RNF11: variants seen among roughly 807,000 people sequenced by gnomAD.
RNF11 encodes ring finger protein 11.
A neutral mutation model predicts 15.8 loss-of-function variants in RNF11; 4 were observed. That is an observed-to-expected ratio of 0.25 (90% CI 0.12 to 0.58). The LOEUF (loss-of-function observed/expected upper bound fraction) is 0.58, where lower values mean the gene tolerates loss of function less well. Ranked by LOEUF, RNF11 falls within the 20% of genes least tolerant of loss-of-function variation. RNF11 has a pLI of 0.91. For missense variants in RNF11, 139 were observed against 194.4 expected (o/e 0.71, Z 1.70); for synonymous variants, 68 against 72.3 (o/e 0.94, Z 0.30).
Position 51,253,473 on chromosome 1 carries a change from T to C in RNF11, c.124-16483T>C, listed in dbSNP as rs72896490. On this transcript the variant is annotated intron_variant, in intron 1 of 2. Coordinates refer to ENST00000242719, the MANE Select transcript of RNF11 (RefSeq NM_014372.5). ...AGGAGCTCGAGGTAACAGTGAGATATGATCACACCACTACACTCCAGCCTG... is the reference window on the plus strand; with the variant it reads ...AGGAGCTCGAGGTAACAGTGAGATACGATCACACCACTACACTCCAGCCTG... Among the ~76,000 whole-genome samples the C allele has an allele frequency of 3.4e-3, 500 of 146,902 alleles. 1 individual carries two copies. Among genetic ancestry groups the C allele is most frequent in the African/African-American group, 0.012 (481 of 39,620 alleles).
At chr1:51,267,601 C>T (rs1646960824) in intron 1 of RNF11, among the ~76,000 whole-genome samples, 1 of 152,156 alleles carries the variant, frequency 6.6e-6, no homozygotes, top group Non-Finnish European at 1.5e-5. Flanking sequence ...GACTCAGTGC[C>T]CCAGGTACTG....
At chr1:51,240,436 C>T (rs1646823393) in intron 1 of RNF11, among the ~76,000 whole-genome samples, 2 of 152,024 alleles carry the variant, frequency 1.3e-5, no homozygotes, top group Admixed American at 6.5e-5. Flanking sequence ...GGAAGTCCCT[C>T]TCACCCTGTT....
intron 1 of RNF11, among the ~76,000 whole-genome samples, chr1:51,257,808 G>C (rs1173323501): frequency 2.1e-5 from 3 of 146,038 alleles, no homozygotes; most frequent in Middle Eastern, 3.6e-3. Flanking sequence ...ATCTCATTGT[G>C]GTTTTTGATT....
At chr1:51,269,844 C>G in intron 1 of RNF11, 112 bp from the exon 2 acceptor site, 1 of 834,128 alleles carries the variant, frequency 1.2e-6, no homozygotes, top group Non-Finnish European at 1.9e-6. Flanking sequence ...AAACACTAGC[C>G]CAGCTTCCTA....
chr1:51,241,269 A>T (rs952171933), intron 1 of RNF11, among the ~76,000 whole-genome samples: 5 of 151,994 alleles, frequency 3.3e-5, no homozygotes, highest in African/African-American at 1.2e-4. Flanking sequence ...TTTAAAAAAA[A>T]TTTATTTCCT....
chr1:51,251,429 A>C, intron 1 of RNF11: 2 of 1,073,642 alleles, frequency 1.9e-6, no homozygotes, highest in Non-Finnish European at 2.7e-6. Flanking sequence ...TCCCCATCCC[A>C]GGGCCTCCGG....
At chr1:51,266,168 T>C (rs888148562) in intron 1 of RNF11, 26 of 152,224 alleles carry the variant, frequency 1.7e-4, no homozygotes, top group African/African-American at 6.3e-4. Context: ...CCATTATGTA[T>C]TTTTGTTCAT....
At chr1:51,248,603 CAT>C (rs1646863518) in intron 1 of RNF11, among the ~76,000 whole-genome samples, 1 of 152,094 alleles carries the variant, frequency 6.6e-6, no homozygotes, top group Non-Finnish European at 1.5e-5. Flanking sequence ...AGGGATAAGA[CAT>C]GAAGCAATTA....
Position 51,251,199 on chromosome 1 carries a change from A to G in RNF11, c.123+14320A>G, listed in dbSNP as rs112793650. On this transcript the variant is annotated intron_variant, in intron 1 of 2. Coordinates refer to ENST00000242719, the MANE Select transcript of RNF11 (RefSeq NM_014372.5). Reference sequence around the variant, plus strand: ...GAGAGAGGCCCCCAGGAAAAAGTCAATGATCTCTGATTCCTTAATGGGCAG... The same window carrying G: ...GAGAGAGGCCCCCAGGAAAAAGTCAGTGATCTCTGATTCCTTAATGGGCAG... 4,635 of 1,417,660 alleles carry G rather than the reference A, an allele frequency of 3.3e-3. 120 individuals carry two copies. The African/African-American group carries it at 0.059, about 18-fold the overall frequency. The allele number at this position is 1,417,660 out of a possible 1,614,324, so 87.8% of individuals were successfully genotyped here. A position where few individuals can be genotyped will look rare whatever the true frequency, so the allele number is the denominator to read the frequency against.
intron 1 of RNF11, among the ~76,000 whole-genome samples, chr1:51,263,371 G>C (rs1646939538): frequency 6.6e-6 from 1 of 152,166 alleles, no homozygotes; most frequent in Non-Finnish European, 1.5e-5. Context: ...AACATGCTAA[G>C]TGAAAGTCGA....
chr1:51,238,439 T>C (rs1214498639), intron 1 of RNF11, among the ~76,000 whole-genome samples: 1 of 152,222 alleles, frequency 6.6e-6, no homozygotes, highest in Non-Finnish European at 1.5e-5. Flanking sequence ...AGGGACTCAG[T>C]AACTGGGAGA....
intron 1 of RNF11, among the ~76,000 whole-genome samples, chr1:51,241,340 A>C (rs962973739): frequency 6.6e-6 from 1 of 152,120 alleles, no homozygotes; most frequent in South Asian, 2.1e-4. Context: ...CACAGGTGCA[A>C]TTATAGTGCA....
At position 51,261,687 on chromosome 1, in the gene RNF11, AT is replaced by A. The variant is rs772161201; in HGVS notation, c.124-8254del. Among the ~76,000 whole-genome samples, 409 of 127,156 alleles carry A rather than the reference AT, an allele frequency of 3.2e-3. 1 individual carries two copies. The highest frequency in any genetic ancestry group is 6.5e-3 in the South Asian group (26 of 4,022). 83.4% of individuals were successfully genotyped at this position (127,156 alleles called of 152,430 possible). ...CCCACCACGCCCTGTCTGTGATAAG[AT>A]TTTTTTTTTTTTTTCTTGAGACGGA... On this transcript the variant is annotated intron_variant, in intron 1 of 2. Coordinates refer to ENST00000242719, the MANE Select transcript of RNF11 (RefSeq NM_014372.5).
At chr1:51,261,780 C>T (rs536657693) in intron 1 of RNF11, among the ~76,000 whole-genome samples, 8 of 152,148 alleles carry the variant, frequency 5.3e-5, no homozygotes, top group African/African-American at 1.7e-4. Context: ...CTCGTCCTCC[C>T]GGGTTCACAC....
chr1:51,256,330 C>T (rs550362749), intron 1 of RNF11, among the ~76,000 whole-genome samples: 3 of 152,174 alleles, frequency 2.0e-5, no homozygotes, highest in Non-Finnish European at 4.4e-5. Context: ...GTAGCCTTTT[C>T]AGATTGGCTT....
chr1:51,255,847 G>C (rs923329014), intron 1 of RNF11, among the ~76,000 whole-genome samples: 2 of 152,158 alleles, frequency 1.3e-5, no homozygotes, highest in Non-Finnish European at 2.9e-5. Context: ...CCTTAGGCTA[G>C]TACTGTACTG....
chr1:51,242,962 T>C (rs1317219975), intron 1 of RNF11, among the ~76,000 whole-genome samples: 1 of 152,226 alleles, frequency 6.6e-6, no homozygotes, highest in Non-Finnish European at 1.5e-5. Context: ...CCTCCCCTTC[T>C]TTATGCTCAA....
At chr1:51,259,279 C>A (rs1280266297) in intron 1 of RNF11, among the ~76,000 whole-genome samples, 3 of 152,104 alleles carry the variant, frequency 2.0e-5, no homozygotes, top group Non-Finnish European at 4.4e-5. Flanking sequence ...GTCAGTATTG[C>A]CCAGGTTGAG....
chr1:51,267,920 G>A (rs1310338689), intron 1 of RNF11, among the ~76,000 whole-genome samples: 1 of 152,132 alleles, frequency 6.6e-6, no homozygotes, highest in Non-Finnish European at 1.5e-5. Context: ...TAGTAGAGAT[G>A]GTGTTTTACC....
Sources: allele counts gnomAD v4.1 joint callset (sites outside exome capture counted in the v4.1 genomes callset), GRCh38; gene constraint gnomAD v4.1.1; transcripts MANE v1.5; gene names NCBI Gene and HGNC (gene_info 2026-07-23, HGNC 2026-07-21).